Variants in EFCAB7 observed in about 807,000 individuals in gnomAD.
EFCAB7 encodes EF-hand calcium-binding domain-containing protein 7.
In EFCAB7, 66 loss-of-function variants were observed where a neutral mutation model predicts 77.1. That is an observed-to-expected ratio of 0.86 (90% CI 0.70 to 1.05). The LOEUF (loss-of-function observed/expected upper bound fraction) is 1.05, where lower values mean the gene tolerates loss of function less well. Among genes scored for constraint, EFCAB7 ranks in the 50% least tolerant of loss-of-function variants. EFCAB7 has a pLI of 0.00. For synonymous variants in EFCAB7, 225 were observed against 243.3 expected (o/e 0.92, Z 0.70); for missense variants, 638 against 730.5 (o/e 0.87, Z 1.46).
At position 63,525,564 on chromosome 1, in the gene EFCAB7, T is replaced by G. The variant is rs1428097124; in HGVS notation, c.-1-8T>G. The G allele has an allele frequency of 6.8e-7, 1 of 1,473,468 alleles. No homozygotes were observed. The highest frequency in any genetic ancestry group is 2.7e-5 in the Admixed American group (1 of 36,842). The allele number at this position is 1,473,468 out of a possible 1,614,324, so 91.3% of individuals were successfully genotyped here. On this transcript the variant is annotated splice_region_variant and splice_polypyrimidine_tract_variant and intron_variant, in intron 1 of 13. Transcript: ENST00000371088. ...TGACAAACACATTTTTAAATTATTT[T>G]CCAATAGAATGGCGATCAGTCCACG...
At chr1:63,550,557 A>C (rs1646952334) in intron 7 of EFCAB7, 1 of 151,920 alleles carries the variant, frequency 6.6e-6, no homozygotes, top group Non-Finnish European at 1.5e-5. Flanking sequence ...CAATTTGTTT[A>C]TATTTTTATT....
rs1028660629 is a variant in EFCAB7, at chr1:63,540,823, T to C, written c.805-5093T>C. Among the ~76,000 whole-genome samples the C allele has an allele frequency of 1.6e-4, 24 of 151,836 alleles. No individual in the cohort carries two copies. In the Admixed American group the frequency reaches 1.6e-3, roughly 10 times the overall value. On this transcript the variant is annotated intron_variant, in intron 6 of 13. Transcript: ENST00000371088. ...TAATGACTGACTGAAAGCTTGAGTA[T>C]AGTTCAGTTTATAATGATAAAATCT...
chr1:63,555,158 A>G, intron 8 of EFCAB7, 200 bp from the exon 9 acceptor site: 1 of 432,744 alleles, frequency 2.3e-6, no homozygotes, highest in East Asian at 3.8e-5. Flanking sequence ...GCTGTATCTA[A>G]TGATCTCATA....
chr1:63,543,063 G>A (rs1344622493), intron 6 of EFCAB7, among the ~76,000 whole-genome samples: 2 of 152,090 alleles, frequency 1.3e-5, no homozygotes, highest in Non-Finnish European at 2.9e-5. Flanking sequence ...TTTCTTCTTA[G>A]AGTTTTATAA....
At chr1:63,543,183 G>A (rs1439992713) in intron 6 of EFCAB7, among the ~76,000 whole-genome samples, 1 of 152,116 alleles carries the variant, frequency 6.6e-6, no homozygotes, top group South Asian at 2.1e-4. Flanking sequence ...AGCCTCATTT[G>A]TTGAAAAGAC....
rs775810169 is a variant in EFCAB7 at position 63,525,630 on chromosome 1, G to A, written c.58G>A (p.Glu20Lys). 3 of 1,598,052 alleles carry A rather than the reference G, an allele frequency of 1.9e-6. No individual in the cohort carries two copies. The South Asian group carries it at 3.4e-5, about 18-fold the overall frequency. ...TFSSQKSTPS[E>K]SPRTKKFPLT... ...CTCCAGTCAGAAATCAACACCTTCA[G>A]AGAGTCCTCGAACAAAGAAATTTCC... The change falls in exon 2 of 14, where the codon GAG becomes AAG. Residue 20 changes from glutamate to lysine, a missense_variant. Transcript: ENST00000371088.
At chr1:63,564,964 G>T (rs1647152736) in intron 11 of EFCAB7, among the ~76,000 whole-genome samples, 2 of 152,146 alleles carry the variant, frequency 1.3e-5, no homozygotes, top group Admixed American at 6.5e-5. Context: ...AATGGGAAAA[G>T]GATTCTCTAT....
chr1:63,571,847 A>C (rs1647271105), intron 13 of EFCAB7, among the ~76,000 whole-genome samples: 1 of 152,154 alleles, frequency 6.6e-6, no homozygotes, highest in South Asian at 2.1e-4. Flanking sequence ...TTTTATCTGC[A>C]TTATTAAGAT....
chr1:63,551,797 T>C lies in EFCAB7; in HGVS notation c.1019T>C (p.Leu340Pro). Residue 340 changes from leucine to proline, a missense_variant, in exon 8 of 14, where the codon CTA (leucine) becomes CCA (proline). By Grantham distance (98) the Leu-to-Pro change is moderately conservative (BLOSUM62 -3). Transcript: ENST00000371088. ...AAGGAAAATGAGAGTCAAGCAAATC[T>C]ACAGCTTGTGTGTTTTACCGAACTA... ...ILKENESQAN[L>P]QLVCFTELRN... The C allele has an allele frequency of 6.3e-7, 1 of 1,596,948 alleles. No homozygotes were observed. The highest frequency in any genetic ancestry group is 8.5e-7 in the Non-Finnish European group (1 of 1,171,428).
intron 6 of EFCAB7, among the ~76,000 whole-genome samples, chr1:63,537,700 C>T (rs1250848935): frequency 6.6e-6 from 1 of 152,084 alleles, no homozygotes; most frequent in African/African-American, 2.4e-5. Flanking sequence ...GTTTACAATT[C>T]TTTAATAACA....
At chr1:63,583,134 GGA>G in the EFCAB7 span, among the ~76,000 whole-genome samples, 1 of 152,088 alleles carries the variant, frequency 6.6e-6, no homozygotes, top group African/African-American at 2.4e-5. Context: ...GCCCTATTCT[GGA>G]AAAACATGCC....
chr1:63,551,787 C>G lies in EFCAB7; in HGVS notation c.1009C>G (p.Gln337Glu), dbSNP rs1226696156. ...GTATATTCTCAAGGAAAATGAGAGT[C>G]AAGCAAATCTACAGCTTGTGTGTTT... ...ALYILKENES[Q>E]ANLQLVCFTE... The change falls in exon 8 of 14, where the codon CAA becomes GAA. Residue 337 changes from glutamine (Q) to glutamate (E), a missense_variant. Transcript: ENST00000371088. 1.3e-6 allele frequency: 2 copies of G among 1,595,008 alleles called. No homozygotes were observed. Among genetic ancestry groups the G allele is most frequent in the Non-Finnish European group, 1.7e-6 (2 of 1,170,528 alleles).
At chr1:63,525,422 AC>A (rs1365205224) in intron 1 of EFCAB7, 149 bp from the exon 2 acceptor site, 48 of 552,274 alleles carry the variant, frequency 8.7e-5, no homozygotes, top group African/African-American at 7.6e-4. Context: ...CACATATAAA[AC>A]TTTTAATATC....
chr1:63,567,461 A>C (rs527449949), intron 11 of EFCAB7, among the ~76,000 whole-genome samples: 1 of 152,170 alleles, frequency 6.6e-6, no homozygotes, highest in Non-Finnish European at 1.5e-5. Context: ...CTCCAAAAAA[A>C]AAAAATTATT....
intron 8 of EFCAB7, among the ~76,000 whole-genome samples, chr1:63,553,083 G>A (rs1485572606): frequency 6.6e-6 from 1 of 152,006 alleles, no homozygotes; most frequent in Non-Finnish European, 1.5e-5. Flanking sequence ...GTAATATGTT[G>A]TATTTACAAA....
chr1:63,535,596 G>A (rs1254750721), intron 6 of EFCAB7, among the ~76,000 whole-genome samples: 2 of 152,022 alleles, frequency 1.3e-5, no homozygotes, highest in African/African-American at 4.8e-5. Flanking sequence ...TTTGTCAGCA[G>A]CCCTTCAGAG....
intron 8 of EFCAB7, among the ~76,000 whole-genome samples, chr1:63,554,243 A>G (rs1235229977): frequency 6.6e-6 from 1 of 152,236 alleles, no homozygotes; most frequent in Admixed American, 6.5e-5. Context: ...GATTTAATAT[A>G]TTTAACAGAG....
At chr1:63,534,680 A>G (rs1646742599) in intron 6 of EFCAB7, among the ~76,000 whole-genome samples, 1 of 152,104 alleles carries the variant, frequency 6.6e-6, no homozygotes, top group South Asian at 2.1e-4. Flanking sequence ...ACAGAAAATA[A>G]TAGTTACAGA....
At chr1:63,537,793 C>G (rs1363862565) in intron 6 of EFCAB7, among the ~76,000 whole-genome samples, 1 of 152,134 alleles carries the variant, frequency 6.6e-6, no homozygotes, top group Non-Finnish European at 1.5e-5. Flanking sequence ...CATAGGAAAT[C>G]TTTATAAAAA....
Sources: gnomAD v4.1 joint callset for allele counts (sites outside exome capture counted in the v4.1 genomes callset) on GRCh38, gnomAD v4.1.1 for gene constraint, MANE v1.5 for transcripts, NCBI Gene and HGNC (gene_info 2026-07-23, HGNC 2026-07-21) for gene names.